The following PPP3R1 variants were observed in gnomAD, a reference collection of about 807,000 sequenced individuals.
PPP3R1 encodes the protein protein phosphatase 3 regulatory subunit B, alpha.
Under a neutral mutation model 22.6 loss-of-function variants are expected in PPP3R1, and 5 were observed. The observed-to-expected ratio is 0.22, with a 90% CI of 0.12 to 0.46. The LOEUF (loss-of-function observed/expected upper bound fraction) is 0.46, where lower values mean the gene tolerates loss of function less well. PPP3R1 is among the 20% of genes least tolerant of loss of function. The probability of loss-of-function intolerance (pLI) is 0.99; values close to 1 mark genes in which losing one functional copy is unlikely to be tolerated. For synonymous variants in PPP3R1, 56 were observed against 65.2 expected (o/e 0.86, Z 0.68); for missense variants, 61 against 203.2 (o/e 0.30, Z 4.25).
chr2:68,222,664 C>T (rs1412090433), intron 1 of PPP3R1, among the ~76,000 whole-genome samples: 2 of 152,176 alleles, frequency 1.3e-5, no homozygotes, highest in Non-Finnish European at 2.9e-5. Context: ...CAAGCTACAG[C>T]ACCAGCTTTC....
chr2:68,228,939 G>GT (rs1173056274), intron 1 of PPP3R1, among the ~76,000 whole-genome samples: 1 of 151,924 alleles, frequency 6.6e-6, no homozygotes, highest in African/African-American at 2.4e-5. Flanking sequence ...GATTTTCCAG[G>GT]TATCTATTAT....
At position 68,179,524 on chromosome 2, in the gene PPP3R1, A is replaced by G. The variant is rs1305222633; in HGVS notation, c.*1439T>C. 1 of 152,236 alleles carries G rather than the reference A, an allele frequency of 6.6e-6. No individual in the cohort carries two copies. The highest frequency in any genetic ancestry group is 1.5e-5 in the Non-Finnish European group (1 of 68,022). The allele number at this position is 152,236 out of a possible 1,614,324, so 9.4% of individuals were successfully genotyped here. Reference sequence around the variant, plus strand: ...TTTCAGATTGATTCACCTTGATTCAACCTGCCCTTTTCCACTGATTTTAAA... The same window carrying G: ...TTTCAGATTGATTCACCTTGATTCAGCCTGCCCTTTTCCACTGATTTTAAA... On this transcript the variant is annotated 3_prime_UTR_variant, in exon 6 of 6. Coordinates refer to ENST00000234310, the MANE Select transcript of PPP3R1 (RefSeq NM_000945.4).
intron 2 of PPP3R1, among the ~76,000 whole-genome samples, chr2:68,209,345 C>T (rs1247142598): frequency 2.4e-5 from 2 of 83,926 alleles, no homozygotes; most frequent in East Asian, 8.8e-4. Flanking sequence ...GGCGACAGAG[C>T]GAGACTCTGT....
intron 2 of PPP3R1, among the ~76,000 whole-genome samples, chr2:68,199,155 GA>G (rs1383278564): frequency 6.6e-6 from 1 of 152,054 alleles, no homozygotes; most frequent in Non-Finnish European, 1.5e-5. Flanking sequence ...GTAGAGATGG[GA>G]TTTCACCATG....
chr2:68,182,075 C>A (rs1437568935), intron 5 of PPP3R1, among the ~76,000 whole-genome samples: 7 of 53,060 alleles, frequency 1.3e-4, no homozygotes, highest in Admixed American at 6.4e-4. Flanking sequence ...CCTCCAACCC[C>A]CCCCTCCCCC....
chr2:68,194,010 CAT>C (rs1327135032), intron 2 of PPP3R1, among the ~76,000 whole-genome samples: 2 of 152,088 alleles, frequency 1.3e-5, no homozygotes, highest in Non-Finnish European at 2.9e-5. Context: ...TACTCTTTTT[CAT>C]ATGTTTTGCC....
intron 5 of PPP3R1, among the ~76,000 whole-genome samples, chr2:68,184,514 A>C (rs751149477): frequency 3.3e-5 from 5 of 152,202 alleles, no homozygotes; most frequent in Non-Finnish European, 5.9e-5. Context: ...ACATGGGTTC[A>C]ATACACCAAC....
intron 1 of PPP3R1, among the ~76,000 whole-genome samples, chr2:68,223,123 C>T (rs534861422): frequency 1.9e-4 from 29 of 152,198 alleles, no homozygotes; most frequent in South Asian, 6.2e-4. Context: ...TGGCCGGGCG[C>T]GGTGGCTCAC....
intron 2 of PPP3R1, among the ~76,000 whole-genome samples, chr2:68,196,123 T>C (rs532048592): frequency 6.6e-6 from 1 of 152,318 alleles, no homozygotes; most frequent in Non-Finnish European, 1.5e-5. Context: ...CAAAATTATC[T>C]ATGGAAAAGC....
intron 2 of PPP3R1, among the ~76,000 whole-genome samples, chr2:68,207,107 A>G (rs1484422832): frequency 8.8e-6 from 1 of 113,484 alleles, no homozygotes; most frequent in Non-Finnish European, 2.0e-5. Context: ...TTTGGGAAAA[A>G]AAAAAGCAAA....
Position 68,179,087 on chromosome 2 carries a change from G to A in PPP3R1, c.*1876C>T, listed in dbSNP as rs906904332. On this transcript the variant is annotated 3_prime_UTR_variant, in exon 6 of 6. Coordinates refer to ENST00000234310, the MANE Select transcript of PPP3R1 (RefSeq NM_000945.4). The stretch of plus-strand genomic sequence containing the variant: ...ACTATTTTTCTGTAACGCCAGCCAA[G>A]ATATGCACAAGCAAGAGAAATAGAA... 3 of 149,992 alleles carry A rather than the reference G, an allele frequency of 2.0e-5. No homozygotes were observed. Among genetic ancestry groups the A allele is most frequent in the African/African-American group, 7.4e-5 (3 of 40,746 alleles). 9.3% of individuals were successfully genotyped at this position (149,992 alleles called of 1,614,324 possible). A position where few individuals can be genotyped will look rare whatever the true frequency, so the allele number is the denominator to read the frequency against.
intron 2 of PPP3R1, among the ~76,000 whole-genome samples, chr2:68,206,044 C>T (rs933877541): frequency 1.3e-5 from 2 of 151,678 alleles, no homozygotes; most frequent in Non-Finnish European, 2.9e-5. Context: ...TCTTGAACTC[C>T]GGACCTCAGG....
intron 2 of PPP3R1, among the ~76,000 whole-genome samples, chr2:68,202,821 G>A (rs1399154857): frequency 1.1e-4 from 2 of 18,352 alleles, no homozygotes. Flanking sequence ...TTTTTTTTTT[G>A]AGACGGAGTC....
intron 1 of PPP3R1, among the ~76,000 whole-genome samples, chr2:68,241,071 C>T (rs544668756): frequency 3.9e-5 from 6 of 152,158 alleles, no homozygotes; most frequent in South Asian, 2.1e-4. Flanking sequence ...GATCTCTAGA[C>T]GCTCTACAGT....
intron 2 of PPP3R1, among the ~76,000 whole-genome samples, chr2:68,215,197 G>C (rs1293768960): frequency 6.6e-6 from 1 of 151,966 alleles, no homozygotes; most frequent in Non-Finnish European, 1.5e-5. Flanking sequence ...TTATTACCTG[G>C]ATGGCAAAAT....
chr2:68,244,088 T>C (rs1205635400), intron 1 of PPP3R1, among the ~76,000 whole-genome samples: 1 of 152,076 alleles, frequency 6.6e-6, no homozygotes, highest in Non-Finnish European at 1.5e-5. Context: ...GGAAAAAAAA[T>C]TAACATACGG....
chr2:68,202,793 T>TTTTTTTTTC (rs1675012499), intron 2 of PPP3R1, among the ~76,000 whole-genome samples: 1 of 14,206 alleles, frequency 7.0e-5, no homozygotes, highest in African/African-American at 5.0e-4. Flanking sequence ...GTTCAGGGAA[T>TTTTTTTTTC]TTTTTTTTTT....
chr2:68,188,478 A>AT (rs1674594008), intron 3 of PPP3R1, 36 bp downstream of exon 3: 2 of 1,495,974 alleles, frequency 1.3e-6, no homozygotes, highest in Non-Finnish European at 1.8e-6. Context: ...AATAGGTTAG[A>AT]TAACTTGTGG....
intron 1 of PPP3R1, among the ~76,000 whole-genome samples, chr2:68,251,921 C>CGG (rs1670370028): frequency 6.9e-6 from 1 of 144,278 alleles, no homozygotes; most frequent in Non-Finnish European, 1.5e-5. Context: ...GGGGCGGGCG[C>CGG]GGGGGCCCCG....
Sources: gnomAD v4.1 joint callset for allele counts (sites outside exome capture counted in the v4.1 genomes callset) on GRCh38, gnomAD v4.1.1 for gene constraint, MANE v1.5 for transcripts, NCBI Gene and HGNC (gene_info 2026-07-23, HGNC 2026-07-21) for gene names.